The following TYW1B variants were observed in gnomAD, a reference collection of about 807,000 sequenced individuals.
The protein encoded by TYW1B is tRNA-yW synthesizing protein 1 homolog B, also known as S-adenosyl-L-methionine-dependent tRNA 4-demethylwyosine synthase TYW1B.
Under a neutral mutation model 86.9 loss-of-function variants are expected in TYW1B, and 73 were observed. That is an observed-to-expected ratio of 0.84 (90% confidence interval 0.70 to 1.02). TYW1B has a LOEUF of 1.02. Among genes scored for constraint, TYW1B ranks in the 50% least tolerant of loss-of-function variants. The probability of loss-of-function intolerance (pLI) is 0.00; values close to 1 mark genes in which losing one functional copy is unlikely to be tolerated. For missense variants in TYW1B, 637 were observed against 827.4 expected (o/e 0.77, Z 2.82); for synonymous variants, 248 against 292.8 (o/e 0.85, Z 1.56).
At chr7:72,747,181 A>C (rs1787410735) in intron 7 of TYW1B, among the ~76,000 whole-genome samples, 1 of 152,158 alleles carries the variant, frequency 6.6e-6, no homozygotes, top group Non-Finnish European at 1.5e-5. Context: ...TGTGGGAGAG[A>C]CCTGGGGAGG....
intron 13 of TYW1B, among the ~76,000 whole-genome samples, chr7:72,585,791 CT>C (rs1386026822): frequency 6.6e-6 from 1 of 152,178 alleles, no homozygotes; most frequent in African/African-American, 2.4e-5. Flanking sequence ...CATTAAACCT[CT>C]TTTTTCTTAT....
intron 11 of TYW1B, among the ~76,000 whole-genome samples, chr7:72,668,863 T>C (rs539278761): frequency 1.3e-5 from 2 of 152,296 alleles, no homozygotes; most frequent in South Asian, 2.1e-4. Flanking sequence ...CTGATGTCAA[T>C]GTCAGCATCT....
chr7:72,625,387 C>T (rs1448571242), intron 12 of TYW1B, among the ~76,000 whole-genome samples: 1 of 152,082 alleles, frequency 6.6e-6, no homozygotes, highest in Non-Finnish European at 1.5e-5. Context: ...GGGAGGCTAA[C>T]GTAGAAGGAC....
intron 6 of TYW1B, among the ~76,000 whole-genome samples, chr7:72,785,841 A>G (rs1241379622): frequency 6.6e-6 from 1 of 152,182 alleles, no homozygotes; most frequent in Admixed American, 6.5e-5. Flanking sequence ...AGCCAGGCTT[A>G]GTGGCTCGCA....
intron 6 of TYW1B, among the ~76,000 whole-genome samples, chr7:72,786,757 T>C (rs1788137285): frequency 6.6e-6 from 1 of 151,974 alleles, no homozygotes; most frequent in South Asian, 2.1e-4. Flanking sequence ...GTATTTTTTG[T>C]AGAGACAGGG....
In TYW1B at chr7:72,575,020, A is replaced by C; in HGVS notation, c.*478T>G. Reference sequence around the variant, plus strand: ...TTTTCAGGAGGTGCTGTCTTAAGACAGAAGAAAGGGATCAAGCTCTTATCT... The same window carrying C: ...TTTTCAGGAGGTGCTGTCTTAAGACCGAAGAAAGGGATCAAGCTCTTATCT... On this transcript the variant is annotated 3_prime_UTR_variant, in exon 14 of 14. Coordinates refer to ENST00000620995, the MANE Select transcript of TYW1B (RefSeq NM_001145440.3). 17 of 992,496 alleles carry C rather than the reference A, an allele frequency of 1.7e-5. No homozygotes were observed. Among genetic ancestry groups the C allele is most frequent in the Non-Finnish European group, 2.0e-5 (17 of 833,874 alleles). 61.5% of individuals were successfully genotyped at this position (992,496 alleles called of 1,614,324 possible). A position where few individuals can be genotyped will look rare whatever the true frequency, so the allele number is the denominator to read the frequency against.
intron 7 of TYW1B, among the ~76,000 whole-genome samples, chr7:72,749,957 A>C (rs1275810450): frequency 1.6e-5 from 2 of 124,764 alleles, no homozygotes; most frequent in African/African-American, 6.4e-5. Flanking sequence ...GTCACCCATC[A>C]TAGCTCACTG....
intron 8 of TYW1B, among the ~76,000 whole-genome samples, chr7:72,744,223 T>C (rs1563079293): frequency 6.6e-6 from 1 of 152,120 alleles, no homozygotes; most frequent in Non-Finnish European, 1.5e-5. Flanking sequence ...ATAATCACTA[T>C]AAATAAGACA....
At chr7:72,794,070 A>C (rs1157430916) in intron 6 of TYW1B, among the ~76,000 whole-genome samples, 1 of 152,216 alleles carries the variant, frequency 6.6e-6, no homozygotes, top group Non-Finnish European at 1.5e-5. Context: ...TTAGCAAGTG[A>C]GCACTGCTGC....
At position 72,777,459 on chromosome 7, in the gene TYW1B, T is replaced by C. The variant is rs782661582; in HGVS notation, c.921A>G (p.Arg307=). 21 of 1,614,010 alleles carry C rather than the reference T, an allele frequency of 1.3e-5. No individual in the cohort carries two copies. The East Asian group carries it at 4.7e-4, about 36-fold the overall frequency. ...CTCGGAGAGCAGGAGTTATCATAGC[T>C]CTTCTTTCACCATCTTCATTCCTCC... ...NMGRNEDGER[R]AMITPALREA... Residue 307 remains arginine (R), a synonymous_variant, in exon 7 of 14, where the codon AGA becomes AGG. Transcript: ENST00000620995.
chr7:72,755,330 G>A (rs1284025765), intron 7 of TYW1B, among the ~76,000 whole-genome samples: 1 of 152,144 alleles, frequency 6.6e-6, no homozygotes, highest in Non-Finnish European at 1.5e-5. Context: ...GAGTTGGGAG[G>A]ATCACTTGAG....
rs192463481 is a variant in TYW1B, at chr7:72,696,735, T to C, written c.1371-1913A>G. On this transcript the variant is annotated intron_variant, in intron 10 of 13. Coordinates refer to ENST00000620995, the MANE Select transcript of TYW1B (RefSeq NM_001145440.3). Reference sequence around the variant, plus strand: ...TGTGGCTTAGTGATATATAGAAAAATCACAAGTGTCTAGACTTCTGTTCAC... The same window carrying C: ...TGTGGCTTAGTGATATATAGAAAAACCACAAGTGTCTAGACTTCTGTTCAC... Among the ~76,000 whole-genome samples the C allele has an allele frequency of 4.0e-3, 615 of 152,144 alleles. 3 individuals are homozygous for C. The highest frequency in any genetic ancestry group is 0.014 in the African/African-American group (584 of 41,502).
intron 11 of TYW1B, among the ~76,000 whole-genome samples, chr7:72,692,928 C>T (rs370960564): frequency 6.6e-6 from 1 of 152,050 alleles, no homozygotes; most frequent in Non-Finnish European, 1.5e-5. Flanking sequence ...AAATGTACAT[C>T]GAGGCCAGAC....
At chr7:72,602,833 AACACAC>A (rs55709140) in intron 13 of TYW1B, among the ~76,000 whole-genome samples, 14,442 of 127,744 alleles carry the variant, frequency 0.11, 754 homozygotes, top group African/African-American at 0.16. Context: ...AAGTGCTCAA[AACACAC>A]ACACACACAC....
intron 11 of TYW1B, among the ~76,000 whole-genome samples, chr7:72,655,809 GC>G (rs1554443535): frequency 6.6e-5 from 10 of 152,126 alleles, no homozygotes; most frequent in Non-Finnish European, 1.2e-4. Context: ...CTGCCCATCT[GC>G]ACACACTGTC....
rs1413336908 is a variant in TYW1B at position 72,810,808 on chromosome 7, C to A, written c.238-143G>T. The A allele has an allele frequency of 2.4e-4, 287 of 1,215,058 alleles. 5 individuals are homozygous for A. The South Asian group carries it at 2.5e-3, about 11-fold the overall frequency. The allele number at this position is 1,215,058 out of a possible 1,614,324, so 75.3% of individuals were successfully genotyped here. A position where few individuals can be genotyped will look rare whatever the true frequency, so the allele number is the denominator to read the frequency against. On this transcript the variant is annotated intron_variant, in intron 3 of 13. Coordinates refer to ENST00000620995, the MANE Select transcript of TYW1B (RefSeq NM_001145440.3). ...TGGCTCATTTTCGAAAGTGAAGGGCCTGACTAAGAAACACAGCAAGAACAG... is the reference window on the plus strand; with the variant it reads ...TGGCTCATTTTCGAAAGTGAAGGGCATGACTAAGAAACACAGCAAGAACAG...
Position 72,819,203 on chromosome 7 carries a change from C to G in TYW1B, c.136-3722G>C, listed in dbSNP as rs148534795. On this transcript the variant is annotated intron_variant, in intron 2 of 13. Coordinates refer to ENST00000620995, the MANE Select transcript of TYW1B (RefSeq NM_001145440.3). ...GTAAGAGAGTTAACAAAGAGCCACA[C>G]GTGTAGGATCTCTGGGCCACTGTGA... Among the ~76,000 whole-genome samples, 9 of 152,086 alleles carry G rather than the reference C, an allele frequency of 5.9e-5. No individual in the cohort carries two copies. The South Asian group carries it at 1.9e-3, about 32-fold the overall frequency.
At position 72,575,180 on chromosome 7, in the gene TYW1B, CTG is replaced by C; in HGVS notation, c.*316_*317del. The C allele has an allele frequency of 8.9e-6, 10 of 1,125,784 alleles. No homozygotes were observed. The highest frequency in any genetic ancestry group is 1.1e-5 in the Non-Finnish European group (10 of 917,700). 69.7% of individuals were successfully genotyped at this position (1,125,784 alleles called of 1,614,324 possible). Reference sequence around the variant, plus strand: ...GTCTGACACTCTCAGGACTAGCATTCTGGCAGGTCTTAGAAGTTATAATACAA... The same window carrying C: ...GTCTGACACTCTCAGGACTAGCATTCGCAGGTCTTAGAAGTTATAATACAA... On this transcript the variant is annotated 3_prime_UTR_variant, in exon 14 of 14. Coordinates refer to ENST00000620995, the MANE Select transcript of TYW1B (RefSeq NM_001145440.3).
At chr7:72,723,787 T>C (rs1198253538) in intron 9 of TYW1B, among the ~76,000 whole-genome samples, 2 of 152,040 alleles carry the variant, frequency 1.3e-5, no homozygotes, top group Non-Finnish European at 2.9e-5. Flanking sequence ...ATGGTCTTTT[T>C]CAGTTGAAAT....
Sources: gnomAD v4.1 joint callset for allele counts (sites outside exome capture counted in the v4.1 genomes callset) on GRCh38, gnomAD v4.1.1 for gene constraint, MANE v1.5 for transcripts, NCBI Gene and HGNC (gene_info 2026-07-23, HGNC 2026-07-21) for gene names.